Variants in BMAL1 observed in about 807,000 individuals in gnomAD.
BMAL1 encodes the protein basic helix-loop-helix ARNT like 1.
chr11:13,365,268 AGAT>A, the BMAL1 span: 1 of 279,874 alleles, frequency 3.6e-6, no homozygotes, highest in African/African-American at 2.3e-5. Flanking sequence ...TATAATAATT[AGAT>A]GATATGCAGA....
chr11:13,320,490 G>A, the BMAL1 span, among the ~76,000 whole-genome samples: 3 of 152,224 alleles, frequency 2.0e-5, no homozygotes, highest in East Asian at 1.9e-4. Flanking sequence ...TACTAACAGT[G>A]TGACCCTTTG....
At chr11:13,326,355 T>G in the BMAL1 span, 1 of 152,198 alleles carries the variant, frequency 6.6e-6, no homozygotes, top group East Asian at 1.9e-4. Flanking sequence ...CAAAGTGAAA[T>G]GCTGTACCAT....
At chr11:13,346,085 C>T in the BMAL1 span, among the ~76,000 whole-genome samples, 5 of 152,222 alleles carry the variant, frequency 3.3e-5, no homozygotes, top group African/African-American at 7.2e-5. Context: ...TTTATTTCTT[C>T]GTTGTGCTAC....
the BMAL1 span, among the ~76,000 whole-genome samples, chr11:13,371,741 T>C: frequency 1.3e-5 from 2 of 152,300 alleles, no homozygotes; most frequent in East Asian, 3.9e-4. Context: ...GTACCTCCAA[T>C]TTCACTTCAA....
chr11:13,339,191 G>A, the BMAL1 span, among the ~76,000 whole-genome samples: 1 of 152,216 alleles, frequency 6.6e-6, no homozygotes, highest in Non-Finnish European at 1.5e-5. Context: ...TTCCTTTAGA[G>A]CATACCAAGA....
chr11:13,277,234 A>G, the BMAL1 span, among the ~76,000 whole-genome samples: 1 of 152,366 alleles, frequency 6.6e-6, no homozygotes, highest in Non-Finnish European at 1.5e-5. Context: ...AGAGGGAGTC[A>G]GGAACTGCTG....
the BMAL1 span, among the ~76,000 whole-genome samples, chr11:13,381,664 CT>C: frequency 6.6e-6 from 1 of 152,152 alleles, no homozygotes. Context: ...ACCAGCAGTG[CT>C]TTGGAAATCA....
chr11:13,383,556 T>C, the BMAL1 span, among the ~76,000 whole-genome samples: 22 of 152,124 alleles, frequency 1.4e-4, no homozygotes, highest in African/African-American at 4.3e-4. Flanking sequence ...TCATTTAAGA[T>C]TGTCCATCAT....
chr11:13,353,363 C>T, the BMAL1 span: 8,062 of 153,380 alleles, frequency 0.053, 275 homozygotes, highest in South Asian at 0.098. Context: ...TGACCATCCC[C>T]GATAGAGGAG....
the BMAL1 span, among the ~76,000 whole-genome samples, chr11:13,289,693 C>T: frequency 2.0e-5 from 3 of 152,174 alleles, no homozygotes; most frequent in Non-Finnish European, 4.4e-5. Flanking sequence ...TCATCCATGT[C>T]CCTGCAAAGA....
At chr11:13,318,554 T>G in the BMAL1 span, among the ~76,000 whole-genome samples, 3 of 148,184 alleles carry the variant, frequency 2.0e-5, no homozygotes, top group South Asian at 2.1e-4. Context: ...GTTTTTTTTT[T>G]TTTTTTTTTT....
the BMAL1 span, among the ~76,000 whole-genome samples, chr11:13,349,170 T>G: frequency 1.3e-5 from 2 of 152,252 alleles, no homozygotes; most frequent in African/African-American, 2.4e-5. Flanking sequence ...ATTTCTTTCT[T>G]AACTTCGTGT....
the BMAL1 span, among the ~76,000 whole-genome samples, chr11:13,290,636 C>T: frequency 6.6e-6 from 1 of 151,954 alleles, no homozygotes; most frequent in African/African-American, 2.4e-5. Flanking sequence ...ATGCCAGCAA[C>T]TGTGCTAAGT....
chr11:13,376,529 T>C, the BMAL1 span: 2 of 983,662 alleles, frequency 2.0e-6, no homozygotes, highest in Non-Finnish European at 3.3e-6. Flanking sequence ...GACACTTCAT[T>C]TTCTGGCCTG....
the BMAL1 span, among the ~76,000 whole-genome samples, chr11:13,313,439 A>ACCTCAACCTGTCTGTCC: frequency 6.6e-6 from 1 of 152,078 alleles, no homozygotes; most frequent in Non-Finnish European, 1.5e-5. Context: ...CCCCGAGGGC[A>ACCTCAACCTGTCTGTCC]CCTCAACCTG....
chr11:13,368,753 C>G, the BMAL1 span, among the ~76,000 whole-genome samples: 1 of 152,110 alleles, frequency 6.6e-6, no homozygotes, highest in African/African-American at 2.4e-5. Context: ...CCCAGAGATT[C>G]TAATTTGGTT....
chr11:13,382,404 C>T, the BMAL1 span, among the ~76,000 whole-genome samples: 2 of 152,124 alleles, frequency 1.3e-5, no homozygotes, highest in African/African-American at 4.8e-5. Context: ...TTAGGGTAGC[C>T]AGCATCTTTG....
chr11:13,294,483 C>G, the BMAL1 span, among the ~76,000 whole-genome samples: 1 of 152,136 alleles, frequency 6.6e-6, no homozygotes, highest in Non-Finnish European at 1.5e-5. Flanking sequence ...CAAGCCAAAC[C>G]ACGAATTTTT....
At chr11:13,385,233 A>G in the BMAL1 span, among the ~76,000 whole-genome samples, 1 of 152,216 alleles carries the variant, frequency 6.6e-6, no homozygotes, top group Non-Finnish European at 1.5e-5. Flanking sequence ...CACCTGTAGT[A>G]TAAGAGATTT....
Sources: gnomAD v4.1 joint callset for allele counts (sites outside exome capture counted in the v4.1 genomes callset) on GRCh38, gnomAD v4.1.1 for gene constraint, MANE v1.5 for transcripts, NCBI Gene and HGNC (gene_info 2026-07-23, HGNC 2026-07-21) for gene names.